The following ARHGAP40 variants were observed in gnomAD, a reference collection of about 807,000 sequenced individuals.
The protein encoded by ARHGAP40 is Rho GTPase activating protein 40, also known as rho GTPase-activating protein 40.
A neutral mutation model predicts 73.5 loss-of-function variants in ARHGAP40; 43 were observed. That is an observed-to-expected ratio of 0.58 (90% confidence interval 0.46 to 0.75). The LOEUF (loss-of-function observed/expected upper bound fraction) is 0.75. Ranked by LOEUF, ARHGAP40 falls within the 30% of genes least tolerant of loss-of-function variation. ARHGAP40 has a pLI of 0.00. For synonymous variants in ARHGAP40, 300 were observed against 352.8 expected (o/e 0.85, Z 1.68); for missense variants, 734 against 861.8 (o/e 0.85, Z 1.86).
In ARHGAP40 at chr20:38,646,282, C is replaced by A. The variant is rs993213224; in HGVS notation, c.1710+95C>A. On this transcript the variant is annotated intron_variant, in intron 12 of 14. Transcript: ENST00000373345. This position sits in a 1 kb window ranked among gnomAD's most constrained non-coding sequence, Gnocchi z 4.5. ...TTCCCTTCCTCCAGGTCCCCGCTAC[C>A]GGGCTGCCAGCAACGGCCCAGTGAG... 1.7e-6 allele frequency: 2 copies of A among 1,175,902 alleles called. No homozygotes were observed. Among genetic ancestry groups the A allele is most frequent in the Non-Finnish European group, 2.2e-6 (2 of 925,288 alleles). 72.8% of individuals were successfully genotyped at this position (1,175,902 alleles called of 1,614,324 possible). A position where few individuals can be genotyped will look rare whatever the true frequency, so the allele number is the denominator to read the frequency against.
intron 4 of ARHGAP40, 122 bp from the exon 5 acceptor site, chr20:38,629,380 T>C: frequency 9.6e-7 from 1 of 1,036,976 alleles, no homozygotes; most frequent in Non-Finnish European, 1.3e-6. Flanking sequence ...ATCCTGGGGC[T>C]TTGAACTTGA....
intron 1 of ARHGAP40, among the ~76,000 whole-genome samples, chr20:38,621,264 G>A (rs931346222): frequency 2.0e-5 from 3 of 152,166 alleles, no homozygotes; most frequent in African/African-American, 7.2e-5. Flanking sequence ...TGTGATAAGA[G>A]TTCACAAACC....
intron 11 of ARHGAP40, among the ~76,000 whole-genome samples, chr20:38,644,928 CT>C (rs371305799): frequency 7.2e-5 from 11 of 152,204 alleles, no homozygotes; most frequent in East Asian, 5.8e-4. Context: ...CAGTCCTTCC[CT>C]CTATCCCTTC....
At chr20:38,620,027 G>A (rs962996418) in intron 1 of ARHGAP40, among the ~76,000 whole-genome samples, 3 of 152,140 alleles carry the variant, frequency 2.0e-5, no homozygotes, top group Non-Finnish European at 2.9e-5. Context: ...AGCTATGATC[G>A]CGCCATTGCC....
In ARHGAP40 at chr20:38,601,904, C is replaced by T. The variant is rs887146795; in HGVS notation, c.-39C>T. 7.8e-7 allele frequency: 1 copy of T among 1,286,952 alleles called. No homozygotes were observed. Among genetic ancestry groups the T allele is most frequent in the Non-Finnish European group, 1.0e-6 (1 of 988,344 alleles). The allele number at this position is 1,286,952 out of a possible 1,614,324, so 79.7% of individuals were successfully genotyped here. ...GCCGATCGAGTCAGCCCCACGGCGG[C>T]AGCACCACGACCGACCGGGATCCTC... On this transcript the variant is annotated 5_prime_UTR_variant, in exon 1 of 15. An upstream open reading frame in the 5' UTR gains an earlier in-frame stop. Coordinates refer to ENST00000373345, the Ensembl canonical transcript of ARHGAP40.
chr20:38,626,840 C>T (rs2088900956), intron 2 of ARHGAP40, among the ~76,000 whole-genome samples, 155 bp from the exon 3 acceptor site: 1 of 152,198 alleles, frequency 6.6e-6, no homozygotes. Flanking sequence ...ATCTTCTCCC[C>T]CGGAGAGTCT....
At chr20:38,610,258 C>T (rs958340671) in intron 1 of ARHGAP40, among the ~76,000 whole-genome samples, 2 of 151,520 alleles carry the variant, frequency 1.3e-5, no homozygotes, top group African/African-American at 4.9e-5. Flanking sequence ...CACCCCCCTA[C>T]CCCAAACCAG....
rs143393906 is a variant in ARHGAP40 at position 38,642,939 on chromosome 20, G to C, written c.1363-765G>C. Among the ~76,000 whole-genome samples the C allele has an allele frequency of 3.8e-3, 578 of 152,190 alleles. 5 individuals carry two copies. The highest frequency in any genetic ancestry group is 0.013 in the African/African-American group (555 of 41,518). On this transcript the variant is annotated intron_variant, in intron 10 of 14. Transcript: ENST00000373345. ...GAGGATCACTTGAAGTCAGGAGTTC[G>C]AGATCAGCCTGGCCAATATGGTGAA...
intron 5 of ARHGAP40, among the ~76,000 whole-genome samples, chr20:38,632,355 T>G (rs973285590): frequency 4.0e-5 from 6 of 151,854 alleles, no homozygotes; most frequent in African/African-American, 1.5e-4. Context: ...CTCCGCCCCC[T>G]GGGTTCATGC....
exon 1 of ARHGAP40, chr20:38,601,901 C>A: frequency 1.6e-6 from 2 of 1,286,754 alleles, no homozygotes; most frequent in Non-Finnish European, 2.0e-6. Context: ...AGCCCCACGG[C>A]GGCAGCACCA....
chr20:38,639,682 A>ATCCAT lies in ARHGAP40; in HGVS notation c.1279+296_1279+297insTCCAT, dbSNP rs2089002310. Among the ~76,000 whole-genome samples, 5 of 152,248 alleles carry ATCCAT rather than the reference A, an allele frequency of 3.3e-5. No homozygotes were observed. In the South Asian group the frequency reaches 1.0e-3, roughly 31 times the overall value. On this transcript the variant is annotated intron_variant, in intron 9 of 14. Transcript: ENST00000373345. ...TAGTTCTCACATGGATGAGTGGACT[A>ATCCAT]GTTTCCTTCACATCTTGACATCCAT... is the stretch of plus-strand genomic sequence containing the variant.
chr20:38,610,620 C>G (rs2088798820), intron 1 of ARHGAP40, among the ~76,000 whole-genome samples: 1 of 152,194 alleles, frequency 6.6e-6, no homozygotes, highest in Admixed American at 6.5e-5. Context: ...GGCGGCATAT[C>G]TTGAAGCCGG....
intron 1 of ARHGAP40, among the ~76,000 whole-genome samples, chr20:38,603,407 G>A (rs202086510): frequency 4.6e-5 from 6 of 129,466 alleles, no homozygotes; most frequent in Admixed American, 8.1e-5. Flanking sequence ...TTGTTTATCT[G>A]TCTATCTATC....
chr20:38,629,428 C>T, intron 4 of ARHGAP40, 74 bp from the exon 5 acceptor site: 1 of 1,285,470 alleles, frequency 7.8e-7, no homozygotes, highest in South Asian at 1.3e-5. Flanking sequence ...GGGCCTAAGT[C>T]CCGAACCCAA....
intron 1 of ARHGAP40, chr20:38,615,167 A>T (rs2088827815): frequency 1.1e-6 from 1 of 890,654 alleles, no homozygotes; most frequent in African/African-American, 1.6e-5. Context: ...CTGAAGCATG[A>T]TTTAATGGGA....
intron 1 of ARHGAP40, among the ~76,000 whole-genome samples, chr20:38,618,489 C>T (rs75994731): frequency 3.9e-5 from 6 of 152,064 alleles, no homozygotes; most frequent in African/African-American, 9.7e-5. Context: ...TTCCGCTTAG[C>T]GATTCGATGG....
intron 9 of ARHGAP40, among the ~76,000 whole-genome samples, chr20:38,640,077 TTG>T (rs2089005265): frequency 8.3e-6 from 1 of 119,980 alleles, no homozygotes; most frequent in African/African-American, 3.5e-5. Flanking sequence ...AGCGTTTTGG[TTG>T]TTGTTGTTGT....
intron 5 of ARHGAP40, among the ~76,000 whole-genome samples, chr20:38,631,365 A>G (rs2088937457): frequency 6.6e-6 from 1 of 152,046 alleles, no homozygotes; most frequent in Admixed American, 6.5e-5. Flanking sequence ...CACTGCTGAT[A>G]AAGGCATGAA....
intron 3 of ARHGAP40, among the ~76,000 whole-genome samples, chr20:38,627,696 G>A (rs1026837295): frequency 1.3e-5 from 2 of 149,842 alleles, no homozygotes; most frequent in African/African-American, 2.5e-5. Flanking sequence ...TGTGTGTGTT[G>A]GTGTGTGTGT....
Sources: allele counts gnomAD v4.1 joint callset (sites outside exome capture counted in the v4.1 genomes callset), GRCh38; gene constraint gnomAD v4.1.1; non-coding constraint Gnocchi (gnomAD v3.1); transcripts MANE v1.5; gene names NCBI Gene and HGNC (gene_info 2026-07-23, HGNC 2026-07-21).